Variants in RNF34 observed in about 807,000 individuals in gnomAD.
The protein encoded by RNF34 is E3 ubiquitin-protein ligase RNF34.
In RNF34, 12 loss-of-function variants were observed where a neutral mutation model predicts 37.9. The ratio of observed to expected loss-of-function variants is 0.32; its 90% confidence interval spans 0.20 to 0.51. The LOEUF (loss-of-function observed/expected upper bound fraction) is 0.51, where lower values mean the gene tolerates loss of function less well. RNF34 is among the 20% of genes least tolerant of loss of function. The pLI, the probability that RNF34 is intolerant of heterozygous loss-of-function variation, is 0.97. For synonymous variants in RNF34, 155 were observed against 177.2 expected, an observed-to-expected ratio of 0.87 and a Z score of 1.00; for missense variants, 362 against 472.7, an observed-to-expected ratio of 0.77 and a Z score of 2.17.
At chr12:121,418,026 G>A (rs1871739695) in intron 3 of RNF34, 115 bp downstream of exon 3, 1 of 1,123,058 alleles carries the variant, frequency 8.9e-7, no homozygotes, top group African/African-American at 1.6e-5. Context: ...GTGCTGGAGT[G>A]AAGCTTCCAC....
chr12:121,401,655 TTATTAA>T (rs782074923), intron 1 of RNF34, among the ~76,000 whole-genome samples: 9 of 152,286 alleles, frequency 5.9e-5, no homozygotes, highest in Non-Finnish European at 7.4e-5. Context: ...ATCAGTATCT[TTATTAA>T]TATTAAATTT....
chr12:121,402,512 CTT>C (rs1429813619), intron 1 of RNF34, among the ~76,000 whole-genome samples: 1 of 151,852 alleles, frequency 6.6e-6, no homozygotes, highest in African/African-American at 2.4e-5. Flanking sequence ...ACTCAAGTAA[CTT>C]TTTAACCTTG....
chr12:121,411,199 AT>A (rs1330718046), intron 1 of RNF34, among the ~76,000 whole-genome samples: 6 of 152,174 alleles, frequency 3.9e-5, no homozygotes, highest in Admixed American at 1.3e-4. Context: ...AAGTGCTGGG[AT>A]TACAGGTGTG....
intron 1 of RNF34, chr12:121,415,205 TAG>T (rs1871444923): frequency 4.6e-6 from 1 of 217,348 alleles, no homozygotes; most frequent in African/African-American, 2.3e-5. Context: ...CAAAAAAATC[TAG>T]AGAGAGTTTC....
chr12:121,410,980 G>A (rs1566228071), intron 1 of RNF34, among the ~76,000 whole-genome samples: 2 of 152,162 alleles, frequency 1.3e-5, no homozygotes, highest in African/African-American at 4.8e-5. Flanking sequence ...CGTCACCCAG[G>A]CTGGAGTGCG....
Position 121,417,850 on chromosome 12 carries a change from C to T in RNF34, c.572C>T (p.Ser191Phe). 1.2e-6 allele frequency: 2 copies of T among 1,614,042 alleles called. No individual in the cohort carries two copies. Among genetic ancestry groups the T allele is most frequent in the Non-Finnish European group, 8.5e-7 (1 of 1,180,036 alleles). The change falls in exon 3 of 6, where the codon TCT (serine) becomes TTT (phenylalanine). Residue 191 changes from serine to phenylalanine, a missense_variant. Coordinates refer to ENST00000361234, the MANE Select transcript of RNF34 (RefSeq NM_025126.4). The surrounding 1 kb of genome is among the most constrained non-coding windows in gnomAD (Gnocchi z 5.0). Reference protein sequence around the residue: ...SNYTAPSATMSSFQGELMDGD... With the variant: ...SNYTAPSATMFSFQGELMDGD... ...TATACAGCCCCCTCTGCTACTATGT[C>T]TTCGTTTCAGGGAGAGCTTATGGAT...
chr12:121,401,326 A>G (rs541217333), intron 1 of RNF34, among the ~76,000 whole-genome samples: 3 of 142,112 alleles, frequency 2.1e-5, no homozygotes, highest in East Asian at 4.6e-4. Context: ...GTAAGTAACC[A>G]TATTACAAGG....
intron 1 of RNF34, among the ~76,000 whole-genome samples, chr12:121,407,377 G>T (rs1245598694): frequency 6.6e-6 from 1 of 152,214 alleles, no homozygotes; most frequent in Non-Finnish European, 1.5e-5. Context: ...CCAGTGAATT[G>T]ACTGCAAATT....
At chr12:121,403,187 G>C (rs891033973) in intron 1 of RNF34, among the ~76,000 whole-genome samples, 4 of 152,168 alleles carry the variant, frequency 2.6e-5, no homozygotes, top group African/African-American at 9.7e-5. Context: ...ACAAGGTCAG[G>C]AGGTTGAGAC....
chr12:121,411,659 A>G (rs1467161413), intron 1 of RNF34, among the ~76,000 whole-genome samples: 1 of 152,234 alleles, frequency 6.6e-6, no homozygotes, highest in Non-Finnish European at 1.5e-5. Flanking sequence ...TTATAATGTT[A>G]CATTGTCTGT....
chr12:121,402,916 C>G (rs1870136237), intron 1 of RNF34: 1 of 770,330 alleles, frequency 1.3e-6, no homozygotes, highest in African/African-American at 1.7e-5. Flanking sequence ...TTGCAACCTG[C>G]TTAATGTCCA....
At chr12:121,402,007 A>G (rs1449363466) in intron 1 of RNF34, among the ~76,000 whole-genome samples, 1 of 152,192 alleles carries the variant, frequency 6.6e-6, no homozygotes, top group Non-Finnish European at 1.5e-5. Flanking sequence ...TTTATATTGA[A>G]ATTGTTTAAT....
chr12:121,420,884 G>A, intron 5 of RNF34, 106 bp downstream of exon 5: 2 of 834,172 alleles, frequency 2.4e-6, no homozygotes, highest in Non-Finnish European at 3.9e-6. Context: ...AGAAAGCTGT[G>A]TACCATTTTA....
chr12:121,407,226 G>A (rs1870628308), intron 1 of RNF34, among the ~76,000 whole-genome samples: 1 of 152,210 alleles, frequency 6.6e-6, no homozygotes, highest in African/African-American at 2.4e-5. Flanking sequence ...ATCATGGCTT[G>A]CATTTTGAAA....
At chr12:121,418,043 C>T in intron 3 of RNF34, 132 bp downstream of exon 3, 1 of 955,408 alleles carries the variant, frequency 1.0e-6, no homozygotes, top group South Asian at 1.6e-5. Flanking sequence ...CCACACCCAG[C>T]TGAACTCTGC....
chr12:121,403,538 G>A lies in RNF34; in HGVS notation c.6+3320G>A, dbSNP rs563945980. Among the ~76,000 whole-genome samples the A allele has an allele frequency of 5.8e-4, 88 of 151,944 alleles. 1 individual carries two copies. Among genetic ancestry groups the A allele is most frequent in the Admixed American group, 1.3e-3 (20 of 15,240 alleles). ...GTAAAACCGATTATTTTATATCACC[G>A]TTGCTAAGATTTAATACATCTTTTT... is the stretch of plus-strand genomic sequence containing the variant. On this transcript the variant is annotated intron_variant, in intron 1 of 5. Transcript: ENST00000361234.
chr12:121,402,354 T>C (rs1870074121), intron 1 of RNF34, among the ~76,000 whole-genome samples: 1 of 152,172 alleles, frequency 6.6e-6, no homozygotes, highest in Admixed American at 6.5e-5. Context: ...AGCAATTATA[T>C]GGATAAGTAC....
chr12:121,406,572 C>A (rs868986971), intron 1 of RNF34, among the ~76,000 whole-genome samples: 2 of 152,202 alleles, frequency 1.3e-5, no homozygotes, highest in South Asian at 4.1e-4. Context: ...CAGGCGTGAG[C>A]CACCGCGCCG....
Position 121,417,265 on chromosome 12 carries a change from C to T in RNF34, c.226-239C>T, listed in dbSNP as rs1871662961. On this transcript the variant is annotated intron_variant, in intron 2 of 5. Coordinates refer to ENST00000361234, the MANE Select transcript of RNF34 (RefSeq NM_025126.4). The surrounding 1 kb of genome is among the most constrained non-coding windows in gnomAD (Gnocchi z 5.0). ...GGGTGGAAAGGTTTTAATTCATTAA[C>T]ACAAGAGTGTGTTTTTCTTAAAGTC... Among the ~76,000 whole-genome samples, 1 of 152,224 alleles carries T rather than the reference C, an allele frequency of 6.6e-6. No homozygotes were observed. Among genetic ancestry groups the T allele is most frequent in the African/African-American group, 2.4e-5 (1 of 41,466 alleles).
Sources: gnomAD v4.1 joint callset for allele counts (sites outside exome capture counted in the v4.1 genomes callset) on GRCh38, gnomAD v4.1.1 for gene constraint, Gnocchi (gnomAD v3.1) non-coding constraint, MANE v1.5 for transcripts, NCBI Gene and HGNC (gene_info 2026-07-23, HGNC 2026-07-21) for gene names.